The following TMEM150C variants were observed in gnomAD, a reference collection of about 807,000 sequenced individuals.
The protein encoded by TMEM150C is tentonin 3.
A neutral mutation model predicts 29.9 loss-of-function variants in TMEM150C; 10 were observed. The observed-to-expected ratio is 0.33, with a 90% confidence interval of 0.21 to 0.57. The LOEUF (loss-of-function observed/expected upper bound fraction) is 0.57. Ranked by LOEUF, TMEM150C falls within the 20% of genes least tolerant of loss-of-function variation. TMEM150C has a pLI of 0.88. For missense variants in TMEM150C, 251 were observed against 303.6 expected (o/e 0.83, Z 1.29); for synonymous variants, 101 against 112.5 (o/e 0.90, Z 0.64).
rs186216981 is a variant in TMEM150C, at chr4:82,486,002, T to C, written c.542-283A>G. Among the ~76,000 whole-genome samples the C allele has an allele frequency of 2.4e-3, 369 of 152,316 alleles. 1 individual carries two copies. Among genetic ancestry groups the C allele is most frequent in the Admixed American group, 5.2e-3 (79 of 15,302 alleles). ...GTTTTTGTTTCTCATTTTTACATGT[T>C]CTATTTGCCCTTAAATACTCTCTTA... On this transcript the variant is annotated intron_variant, in intron 7 of 7. Transcript: ENST00000449862.
chr4:82,490,771 A>G, intron 6 of TMEM150C: 1 of 392,218 alleles, frequency 2.5e-6, no homozygotes, highest in Non-Finnish European at 4.9e-6. Context: ...TTGAAGGAAA[A>G]TTTGTATTAC....
chr4:82,487,763 C>T (rs993364471), intron 7 of TMEM150C, among the ~76,000 whole-genome samples: 2 of 152,072 alleles, frequency 1.3e-5, no homozygotes, highest in African/African-American at 4.8e-5. Context: ...AGTCCAAATA[C>T]TCCACTAACT....
Position 82,510,798 on chromosome 4 carries a change from G to A in TMEM150C, c.-10-6131C>T, listed in dbSNP as rs146391887. On this transcript the variant is annotated intron_variant, in intron 1 of 7. Coordinates refer to ENST00000449862, the MANE Select transcript of TMEM150C (RefSeq NM_001080506.3). ...CTGGAATGAAGCAGAAATGATGAAC[G>A]AGTCGCCCACTCATGACCACGACTG... 9.7e-3 allele frequency among the ~76,000 whole-genome samples: 1,478 copies of A among 152,244 alleles called. 14 individuals carry two copies. The highest frequency in any genetic ancestry group is 0.014 in the Non-Finnish European group (960 of 68,018).
chr4:82,561,184 C>T (rs186586618), intron 1 of TMEM150C, among the ~76,000 whole-genome samples: 277 of 152,324 alleles, frequency 1.8e-3, no homozygotes, highest in Non-Finnish European at 2.7e-3. Context: ...GGGAAAACCA[C>T]TCAAGGACTC....
rs151089271 is a variant in TMEM150C at position 82,530,055 on chromosome 4, G to C, written c.-10-25388C>G. 6.7e-4 allele frequency among the ~76,000 whole-genome samples: 102 copies of C among 151,734 alleles called. No individual in the cohort carries two copies. In the Middle Eastern group the frequency reaches 0.021, roughly 31 times the overall value. On this transcript the variant is annotated intron_variant, in intron 1 of 7. Transcript: ENST00000449862. ...GGGCTGAGACACAGGAAAGTGAAAG[G>C]CTTGGATCATGCCTTTTGCTCTCTT...
At chr4:82,506,854 TTGAG>T (rs1448785596) in intron 1 of TMEM150C, among the ~76,000 whole-genome samples, 2 of 152,130 alleles carry the variant, frequency 1.3e-5, no homozygotes, top group Non-Finnish European at 2.9e-5. Context: ...GGAGTGATGA[TTGAG>T]TAAGTAAACC....
At chr4:82,498,293 G>C (rs1169099718) in intron 5 of TMEM150C, among the ~76,000 whole-genome samples, 1 of 150,108 alleles carries the variant, frequency 6.7e-6, no homozygotes, top group East Asian at 2.0e-4. Context: ...GGGATTATAG[G>C]CATGAGCCTA....
chr4:82,513,390 G>A (rs146658240), intron 1 of TMEM150C, among the ~76,000 whole-genome samples: 99 of 152,202 alleles, frequency 6.5e-4, no homozygotes, highest in Admixed American at 9.8e-4. Context: ...AAGGAATAGC[G>A]GGAATGAGGA....
At chr4:82,492,120 G>T (rs113029630) in intron 6 of TMEM150C, among the ~76,000 whole-genome samples, 11,815 of 58,890 alleles carry the variant, frequency 0.2, 583 homozygotes, top group Middle Eastern at 0.36. Context: ...ATTGTTTTTT[G>T]TTGTTGTTGT....
At chr4:82,555,041 T>C (rs1451786842) in intron 1 of TMEM150C, among the ~76,000 whole-genome samples, 1 of 152,226 alleles carries the variant, frequency 6.6e-6, no homozygotes. Flanking sequence ...GTCTATGGAC[T>C]TTAAGTGATC....
At chr4:82,543,709 A>T (rs1473444088) in intron 1 of TMEM150C, among the ~76,000 whole-genome samples, 1 of 152,212 alleles carries the variant, frequency 6.6e-6, no homozygotes, top group African/African-American at 2.4e-5. Flanking sequence ...GTATCATTTC[A>T]AACATGAAAT....
rs557096541 is a variant in TMEM150C at position 82,491,793 on chromosome 4, A to G, written c.364-1555T>C. Reference sequence around the variant, plus strand: ...CTGAGATTACAGGCGTGAGCCATCAATCCTGGCCAATATATATTTACTGAT... The same window carrying G: ...CTGAGATTACAGGCGTGAGCCATCAGTCCTGGCCAATATATATTTACTGAT... On this transcript the variant is annotated intron_variant, in intron 6 of 7. Transcript: ENST00000449862. 5.4e-5 allele frequency among the ~76,000 whole-genome samples: 8 copies of G among 148,026 alleles called. No homozygotes were observed. In the South Asian group the frequency reaches 1.1e-3, roughly 20 times the overall value.
intron 1 of TMEM150C, among the ~76,000 whole-genome samples, chr4:82,540,507 CATTATT>C (rs1578150892): frequency 6.6e-6 from 1 of 151,908 alleles, no homozygotes; most frequent in East Asian, 1.9e-4. Flanking sequence ...TCCATCTAAG[CATTATT>C]ATTATTAATA....
intron 1 of TMEM150C, among the ~76,000 whole-genome samples, chr4:82,555,713 A>G (rs980665940): frequency 2.6e-5 from 4 of 152,232 alleles, no homozygotes; most frequent in Non-Finnish European, 4.4e-5. Context: ...GGCTGTCACC[A>G]GATTGCGTGG....
chr4:82,558,889 A>AAAG (rs35463943), intron 1 of TMEM150C, among the ~76,000 whole-genome samples: 52,178 of 151,910 alleles, frequency 0.34, 13,400 homozygotes, highest in African/African-American at 0.73. Context: ...AAGATCCACA[A>AAAG]AAGTGAAAAT....
At chr4:82,511,875 C>T (rs1025487354) in intron 1 of TMEM150C, among the ~76,000 whole-genome samples, 6 of 152,100 alleles carry the variant, frequency 3.9e-5, no homozygotes, top group Non-Finnish European at 8.8e-5. Context: ...CTTCAGAGTC[C>T]GTTTATATCT....
intron 1 of TMEM150C, among the ~76,000 whole-genome samples, chr4:82,513,110 A>AGC (rs1211583479): frequency 6.6e-6 from 1 of 152,234 alleles, no homozygotes; most frequent in Non-Finnish European, 1.5e-5. Context: ...CTGCTTCCTT[A>AGC]AGTGGGTCCT....
chr4:82,550,099 A>G (rs1423818787), intron 1 of TMEM150C, among the ~76,000 whole-genome samples: 2 of 152,154 alleles, frequency 1.3e-5, no homozygotes, highest in Non-Finnish European at 2.9e-5. Flanking sequence ...CATAATCCCC[A>G]TGTGTTGAGG....
chr4:82,514,549 G>A (rs1424441624), intron 1 of TMEM150C, among the ~76,000 whole-genome samples: 1 of 152,086 alleles, frequency 6.6e-6, no homozygotes, highest in East Asian at 1.9e-4. Context: ...TGTTCTATGT[G>A]TAGAAATTGG....
Sources: gnomAD v4.1 joint callset for allele counts (sites outside exome capture counted in the v4.1 genomes callset) on GRCh38, gnomAD v4.1.1 for gene constraint, MANE v1.5 for transcripts, NCBI Gene and HGNC (gene_info 2026-07-23, HGNC 2026-07-21) for gene names.